The following BAZ2B variants were observed in gnomAD, a reference collection of about 807,000 sequenced individuals.
The protein encoded by BAZ2B is bromodomain adjacent to zinc finger domain protein 2B.
A neutral mutation model predicts 246.0 loss-of-function variants in BAZ2B; 91 were observed. The observed-to-expected ratio is 0.37, with a 90% CI of 0.31 to 0.44. The LOEUF (loss-of-function observed/expected upper bound fraction) is 0.44, where lower values mean the gene tolerates loss of function less well. Ranked by LOEUF, BAZ2B falls within the 20% of genes least tolerant of loss-of-function variation. BAZ2B has a pLI of 1.00. For missense variants in BAZ2B, 2,332 were observed against 2,533.7 expected (o/e 0.92, Z 1.71); for synonymous variants, 855 against 860.0 (o/e 0.99, Z 0.10).
intron 2 of BAZ2B, among the ~76,000 whole-genome samples, chr2:159,513,535 C>T (rs2083140127): frequency 6.6e-6 from 1 of 152,176 alleles, no homozygotes. Flanking sequence ...ACACCTTCTC[C>T]ACCTGAAATT....
At chr2:159,428,145 G>A in intron 12 of BAZ2B, 103 bp from the exon 13 acceptor site, 2 of 1,192,124 alleles carry the variant, frequency 1.7e-6, no homozygotes, top group Non-Finnish European at 2.4e-6. Context: ...ATTCTATCAA[G>A]GGGCTCTAAA....
At chr2:159,348,325 A>G (rs2058187071) in intron 30 of BAZ2B, among the ~76,000 whole-genome samples, 1 of 148,814 alleles carries the variant, frequency 6.7e-6, no homozygotes, top group Non-Finnish European at 1.5e-5. Context: ...CTCACAAAAA[A>G]AAAAAAAAAA....
chr2:159,675,052 A>G, the BAZ2B span, among the ~76,000 whole-genome samples: 23 of 152,194 alleles, frequency 1.5e-4, no homozygotes, highest in Non-Finnish European at 2.5e-4. Flanking sequence ...GAGAAGGAAC[A>G]CACAAATACG....
At position 159,598,657 on chromosome 2, in the gene BAZ2B, G is replaced by A. The variant is rs186802182; in HGVS notation, c.-46+17585C>T. ...AAGGTCAGGAGTTTGAGACCAGCCCGGCCAAACAGACCAGCCTGGCCAACA... is the reference window on the plus strand; with the variant it reads ...AAGGTCAGGAGTTTGAGACCAGCCCAGCCAAACAGACCAGCCTGGCCAACA... On this transcript the variant is annotated intron_variant, in intron 1 of 36. Coordinates refer to ENST00000392783, the MANE Select transcript of BAZ2B (RefSeq NM_013450.4). Among the ~76,000 whole-genome samples, 723 of 152,018 alleles carry A rather than the reference G, an allele frequency of 4.8e-3. 10 individuals are homozygous for A. Among genetic ancestry groups the A allele is most frequent in the South Asian group, 0.038 (182 of 4,812 alleles).
At chr2:159,613,345 T>C (rs1023449917) in intron 1 of BAZ2B, among the ~76,000 whole-genome samples, 1 of 151,984 alleles carries the variant, frequency 6.6e-6, no homozygotes, top group Non-Finnish European at 1.5e-5. Context: ...GAAGCTACTA[T>C]TATCTGGATT....
intron 9 of BAZ2B, among the ~76,000 whole-genome samples, chr2:159,431,658 AT>A (rs1483547650): frequency 6.6e-6 from 1 of 152,190 alleles, no homozygotes; most frequent in Non-Finnish European, 1.5e-5. Flanking sequence ...ACAAGACTTC[AT>A]CAGGCTTTTC....
intron 5 of BAZ2B, 147 bp downstream of exon 5, chr2:159,448,095 G>A: frequency 2.2e-6 from 2 of 894,434 alleles, no homozygotes; most frequent in East Asian, 2.9e-5. Context: ...CTGTACTCCA[G>A]CCTGGGCAAA....
At chr2:159,420,466 A>T (rs955529073) in intron 13 of BAZ2B, among the ~76,000 whole-genome samples, 9 of 152,288 alleles carry the variant, frequency 5.9e-5, no homozygotes, top group African/African-American at 2.2e-4. Flanking sequence ...TCTTCTTTGC[A>T]TCTTTCAATT....
At chr2:159,502,805 T>A (rs971197960) in intron 2 of BAZ2B, among the ~76,000 whole-genome samples, 1 of 152,216 alleles carries the variant, frequency 6.6e-6, no homozygotes, top group Non-Finnish European at 1.5e-5. Flanking sequence ...ATGAATGATA[T>A]GCTGAGACAG....
In BAZ2B at chr2:159,412,898, C is replaced by T. The variant is rs919500539; in HGVS notation, c.2467-353G>A. 2.0e-5 allele frequency among the ~76,000 whole-genome samples: 3 copies of T among 152,112 alleles called. 1 individual carries two copies. The highest frequency in any genetic ancestry group is 1.3e-4 in the Admixed American group (2 of 15,276). On this transcript the variant is annotated intron_variant, in intron 13 of 36. Transcript: ENST00000392783. ...TGTACAATGATGCCACTATAGATTG[C>T]TCTTATGGGTTATCAGTTAAACCAA...
intron 2 of BAZ2B, among the ~76,000 whole-genome samples, chr2:159,490,175 A>G (rs1298987811): frequency 6.6e-6 from 1 of 152,202 alleles, no homozygotes; most frequent in Non-Finnish European, 1.5e-5. Flanking sequence ...TGTAAATACT[A>G]AATTTACTTA....
At chr2:159,562,291 A>G (rs1275452511) in intron 1 of BAZ2B, among the ~76,000 whole-genome samples, 1 of 152,224 alleles carries the variant, frequency 6.6e-6, no homozygotes, top group Non-Finnish European at 1.5e-5. Context: ...AAGTTTAGCG[A>G]GACCTGAGAT....
chr2:159,704,015 T>A, the BAZ2B span, among the ~76,000 whole-genome samples: 15 of 152,190 alleles, frequency 9.9e-5, no homozygotes, highest in African/African-American at 3.6e-4. Flanking sequence ...TTTAAGTGTG[T>A]TACCATTCCC....
At chr2:159,628,794 G>C in the BAZ2B span, among the ~76,000 whole-genome samples, 2 of 152,126 alleles carry the variant, frequency 1.3e-5, no homozygotes, top group African/African-American at 2.4e-5. Flanking sequence ...CAGAAGTAAT[G>C]GCAACAAAAG....
intron 5 of BAZ2B, among the ~76,000 whole-genome samples, chr2:159,447,298 T>C (rs756774911): frequency 2.6e-5 from 4 of 152,198 alleles, no homozygotes; most frequent in Non-Finnish European, 5.9e-5. Context: ...TGCAAATGCA[T>C]TAAATACCAG....
chr2:159,515,481 G>A (rs1430497236), intron 2 of BAZ2B, among the ~76,000 whole-genome samples: 1 of 151,968 alleles, frequency 6.6e-6, no homozygotes, highest in African/African-American at 2.4e-5. Flanking sequence ...TTCTTTTAAA[G>A]CCATAAATTT....
chr2:159,357,366 A>G (rs575969556), intron 27 of BAZ2B, among the ~76,000 whole-genome samples: 1 of 152,124 alleles, frequency 6.6e-6, no homozygotes, highest in African/African-American at 2.4e-5. Flanking sequence ...AGAAGAAAGG[A>G]TATCAATGAT....
Position 159,501,098 on chromosome 2 carries a change from C to T in BAZ2B, c.-2-22377G>A, listed in dbSNP as rs1269592062. 5.9e-4 allele frequency among the ~76,000 whole-genome samples: 75 copies of T among 127,906 alleles called. 1 individual carries two copies. Among genetic ancestry groups the T allele is most frequent in the South Asian group, 4.6e-4 (2 of 4,302 alleles). 83.9% of individuals were successfully genotyped at this position (127,906 alleles called of 152,430 possible). On this transcript the variant is annotated intron_variant, in intron 2 of 36. Transcript: ENST00000392783. ...CAGCCTGGGCAACATGGTGAAACCC[C>T]ATCTCTGTTTAAAAATATATATATA...
chr2:159,537,583 C>T (rs1481185826), intron 2 of BAZ2B, among the ~76,000 whole-genome samples: 1 of 152,178 alleles, frequency 6.6e-6, no homozygotes, highest in Non-Finnish European at 1.5e-5. Flanking sequence ...TTCTTCTTCC[C>T]TCCTGCCCAT....
Sources: allele counts gnomAD v4.1 joint callset (sites outside exome capture counted in the v4.1 genomes callset), GRCh38; gene constraint gnomAD v4.1.1; transcripts MANE v1.5; gene names NCBI Gene and HGNC (gene_info 2026-07-23, HGNC 2026-07-21).